The following HERC5 variants were observed in gnomAD, a reference collection of about 807,000 sequenced individuals.
The protein encoded by HERC5 is HECT and RLD domain containing E3 ubiquitin protein ligase 5, also known as E3 ISG15--protein ligase HERC5.
HERC5 carries 99 observed loss-of-function variants against 119.6 expected under a neutral mutation model. The ratio of observed to expected loss-of-function variants is 0.83; its 90% CI spans 0.70 to 0.98. The LOEUF is 0.98. Ranked by LOEUF, HERC5 falls within the 50% of genes least tolerant of loss-of-function variation. The pLI, the probability that HERC5 is intolerant of heterozygous loss-of-function variation, is 0.00. For synonymous variants in HERC5, 478 were observed against 445.9 expected (o/e 1.07, Z -0.91); for missense variants, 1,267 against 1,241.3 (o/e 1.02, Z -0.31).
rs868628309 is a variant in HERC5 at position 88,465,281 on chromosome 4, A to G, written c.911+1296A>G. On this transcript the variant is annotated intron_variant, in intron 6 of 22. Coordinates refer to ENST00000264350, the MANE Select transcript of HERC5 (RefSeq NM_016323.4). ...CAGAGGGATGTTGGAAGTTGGTAGG[A>G]TTAAAAAATATTTTCCCCCATATAC... Among the ~76,000 whole-genome samples, 6 of 152,318 alleles carry G rather than the reference A, an allele frequency of 3.9e-5. No homozygotes were observed. The South Asian group carries it at 8.3e-4, about 21-fold the overall frequency.
At position 88,462,278 on chromosome 4, in the gene HERC5, A is replaced by G. The variant is rs1366965492; in HGVS notation, c.610A>G (p.Met204Val). 4.3e-6 allele frequency: 7 copies of G among 1,614,098 alleles called. No individual in the cohort carries two copies. Among genetic ancestry groups the G allele is most frequent in the Non-Finnish European group, 5.9e-6 (7 of 1,180,042 alleles). ...AQISAGEAHS[M>V]ALSMSGNIYS... Reference sequence around the variant, plus strand: ...GATTTCTGCCGGAGAAGCCCACAGCATGGCCTTATCCATGTCTGGCAACAT... The same window carrying G: ...GATTTCTGCCGGAGAAGCCCACAGCGTGGCCTTATCCATGTCTGGCAACAT... The change falls in exon 4 of 23, where the codon ATG (methionine) becomes GTG (valine). Residue 204 changes from methionine to valine, a missense_variant. By Grantham distance (21) the Met-to-Val change is conservative. Around this residue, in one of 3 missense-constraint regions of HERC5, gnomAD observed 777 missense variants for 758.0 expected, o/e 1.03. Coordinates refer to ENST00000264350, the MANE Select transcript of HERC5 (RefSeq NM_016323.4).
chr4:88,496,397 G>T (rs1320344412), intron 18 of HERC5, among the ~76,000 whole-genome samples: 3 of 152,280 alleles, frequency 2.0e-5, no homozygotes, highest in South Asian at 2.1e-4. Context: ...CAGCTATCAA[G>T]AATTATTAGA....
chr4:88,502,507 T>G (rs1298687059), intron 20 of HERC5, among the ~76,000 whole-genome samples: 1 of 152,068 alleles, frequency 6.6e-6, no homozygotes, highest in Non-Finnish European at 1.5e-5. Flanking sequence ...GTGGGGAAAT[T>G]TAAGCCACGC....
intron 17 of HERC5, 145 bp downstream of exon 17, chr4:88,493,300 G>C: frequency 1.5e-6 from 1 of 680,868 alleles, no homozygotes; most frequent in East Asian, 3.0e-5. Flanking sequence ...CTAATAAGGT[G>C]ATTATTTTCT....
intron 4 of HERC5, 134 bp from the exon 5 acceptor site, chr4:88,463,398 G>A (rs1740519613): frequency 5.0e-6 from 3 of 603,686 alleles, no homozygotes; most frequent in African/African-American, 3.7e-5. Context: ...CCTAAACATG[G>A]CAACATAGAG....
chr4:88,461,631 A>G (rs1374146409), intron 3 of HERC5, among the ~76,000 whole-genome samples: 2 of 152,208 alleles, frequency 1.3e-5, no homozygotes, highest in African/African-American at 2.4e-5. Flanking sequence ...TGTGCTCCAT[A>G]TATTCAGTTA....
At chr4:88,474,497 G>C (rs114566307) in intron 11 of HERC5, among the ~76,000 whole-genome samples, 1 of 152,144 alleles carries the variant, frequency 6.6e-6, no homozygotes, top group African/African-American at 2.4e-5. Flanking sequence ...GGTAGAATGC[G>C]TGTGTACTAA....
intron 12 of HERC5, among the ~76,000 whole-genome samples, chr4:88,478,032 A>G (rs1741144293): frequency 1.3e-5 from 2 of 152,226 alleles, no homozygotes; most frequent in South Asian, 2.1e-4. Flanking sequence ...TTTTTCACAA[A>G]TTAATTACAT....
intron 18 of HERC5, 126 bp from the exon 19 acceptor site, chr4:88,499,800 G>A (rs1340167484): frequency 3.2e-6 from 2 of 617,300 alleles, no homozygotes; most frequent in Non-Finnish European, 5.8e-6. Context: ...CGCAGAGAAA[G>A]AGGTGCTGTG....
chr4:88,457,495 C>T lies in HERC5; in HGVS notation c.226C>T (p.His76Tyr). 7.6e-7 allele frequency: 1 copy of T among 1,316,670 alleles called. No homozygotes were observed. Among genetic ancestry groups the T allele is most frequent in the Non-Finnish European group, 9.7e-7 (1 of 1,033,994 alleles). 81.6% of individuals were successfully genotyped at this position (1,316,670 alleles called of 1,614,324 possible). The change falls in exon 1 of 23, where the codon CAC becomes TAC. Residue 76 changes from histidine (H) to tyrosine (Y), a missense_variant. Transcript: ENST00000264350. ...ACGCGGCGGGGCGGGCGTCCAGGTT[C>T]ACCAGCTGCTCGCCGGGAGCGGCGG... Reference protein sequence around the residue: ...LERGGAGVQVHQLLAGSGGAR... With the variant: ...LERGGAGVQVYQLLAGSGGAR...
chr4:88,459,510 C>A, intron 2 of HERC5, 40 bp downstream of exon 2: 4 of 1,206,056 alleles, frequency 3.3e-6, no homozygotes, highest in South Asian at 3.2e-5. Context: ...TAATTTTAAT[C>A]AAAAGACAAT....
In HERC5 at chr4:88,457,459, G is replaced by T; in HGVS notation, c.190G>T (p.Ala64Ser). The change falls in exon 1 of 23, where the codon GCG becomes TCG. Residue 64 changes from alanine to serine, a missense_variant. Physicochemically the swap from Ala to Ser is moderately conservative, Grantham distance 99 (BLOSUM62 1). Around this residue, in one of 3 missense-constraint regions of HERC5, gnomAD observed 777 missense variants for 758.0 expected, o/e 1.03. Transcript: ENST00000264350. Reference protein sequence around the residue: ...RQLCCSPGRLAVLERGGAGVQ... With the variant: ...RQLCCSPGRLSVLERGGAGVQ... ...ACTCTGCTGCTCGCCGGGGCGCCTCGCGGTCTTGGAACGCGGCGGGGCGGG... is the reference window on the plus strand; with the variant it reads ...ACTCTGCTGCTCGCCGGGGCGCCTCTCGGTCTTGGAACGCGGCGGGGCGGG... 7.4e-7 allele frequency: 1 copy of T among 1,345,096 alleles called. No individual in the cohort carries two copies. The highest frequency in any genetic ancestry group is 9.5e-7 in the Non-Finnish European group (1 of 1,050,856). The allele number at this position is 1,345,096 out of a possible 1,614,324, so 83.3% of individuals were successfully genotyped here. A position where few individuals can be genotyped will look rare whatever the true frequency, so the allele number is the denominator to read the frequency against.
At chr4:88,466,151 A>G (rs929956600) in intron 6 of HERC5, among the ~76,000 whole-genome samples, 1 of 150,544 alleles carries the variant, frequency 6.6e-6, no homozygotes, top group Non-Finnish European at 1.5e-5. Context: ...CAGTGGTGCT[A>G]TCATGGCTTA....
intron 1 of HERC5, among the ~76,000 whole-genome samples, chr4:88,459,078 A>G (rs990766363): frequency 6.6e-6 from 1 of 152,218 alleles, no homozygotes; most frequent in Non-Finnish European, 1.5e-5. Flanking sequence ...ACCTAAAAGC[A>G]GATATTTAAT....
chr4:88,473,936 C>A (rs914925313), intron 11 of HERC5: 4 of 152,168 alleles, frequency 2.6e-5, no homozygotes, highest in Admixed American at 1.3e-4. Flanking sequence ...TCCATTGTTT[C>A]AGAATAAGAT....
chr4:88,469,141 T>A lies in HERC5; in HGVS notation c.1135-16T>A. The A allele has an allele frequency of 6.5e-7, 1 of 1,546,886 alleles. No individual in the cohort carries two copies. The highest frequency in any genetic ancestry group is 8.9e-7 in the Non-Finnish European group (1 of 1,120,092). On this transcript the variant is annotated splice_polypyrimidine_tract_variant and intron_variant, in intron 8 of 22. Coordinates refer to ENST00000264350, the MANE Select transcript of HERC5 (RefSeq NM_016323.4). ...GTGTCTAAATTATTGTATTTTACTT[T>A]CCTGTTTGTTTACAGAATTCATATG...
chr4:88,495,427 G>T (rs553419371), intron 18 of HERC5, among the ~76,000 whole-genome samples: 2 of 152,212 alleles, frequency 1.3e-5, no homozygotes, highest in Middle Eastern at 3.4e-3. Context: ...GCTGGGCATG[G>T]TGGCACATGC....
At chr4:88,496,720 T>A (rs1741805761) in intron 18 of HERC5, among the ~76,000 whole-genome samples, 1 of 152,238 alleles carries the variant, frequency 6.6e-6, no homozygotes, top group Non-Finnish European at 1.5e-5. Context: ...CCTTTGAGAT[T>A]TCTTAAACAA....
rs1362617340 is a variant in HERC5 at position 88,472,422 on chromosome 4, A to G, written c.1312A>G (p.Met438Val). The change falls in exon 11 of 23, where the codon ATG (methionine) becomes GTG (valine). Residue 438 changes from methionine to valine, a missense_variant. Transcript: ENST00000264350. ...TTTCTTCTACAGAAGAACTACAGAA[A>G]TGATGCCTGTTTATTTGGACTTAAA... ...SFLRKRRTTEMMPVYLDLNKA... is the reference protein window; with the variant it reads ...SFLRKRRTTEVMPVYLDLNKA... 6.3e-7 allele frequency: 1 copy of G among 1,586,980 alleles called. No homozygotes were observed. Among genetic ancestry groups the G allele is most frequent in the African/African-American group, 1.3e-5 (1 of 74,262 alleles).
Sources: gnomAD v4.1 joint callset for allele counts (sites outside exome capture counted in the v4.1 genomes callset) on GRCh38, gnomAD v4.1.1 for gene constraint, gnomAD v4.1.1 regional missense constraint, MANE v1.5 for transcripts, NCBI Gene and HGNC (gene_info 2026-07-23, HGNC 2026-07-21) for gene names.